Variants in ZNF695 observed in about 807,000 individuals in gnomAD.
ZNF695 encodes the protein zinc finger protein SBZF3.
ZNF695 carries 11 observed loss-of-function variants against 11.2 expected under a neutral mutation model. The observed-to-expected ratio is 0.98, with a 90% confidence interval of 0.62 to 1.62. ZNF695 has a LOEUF of 1.62. Ranked by LOEUF, ZNF695 falls within the 40% of genes most tolerant of loss-of-function variation. The pLI, the probability that ZNF695 is intolerant of heterozygous loss-of-function variation, is 0.00. For synonymous variants in ZNF695, 190 were observed against 201.4 expected, an observed-to-expected ratio of 0.94 and a Z score of 0.48; for missense variants, 559 against 590.5, an observed-to-expected ratio of 0.95 and a Z score of 0.55.
At chr1:246,951,641 A>G (rs1296787834) in intron 5 of ZNF695, among the ~76,000 whole-genome samples, 1 of 152,246 alleles carries the variant, frequency 6.6e-6, no homozygotes, top group African/African-American at 2.4e-5. Flanking sequence ...TAGAACAAAG[A>G]GGCAAGTCTC....
chr1:247,005,589 T>C (rs1307012417), intron 1 of ZNF695, among the ~76,000 whole-genome samples: 1 of 151,980 alleles, frequency 6.6e-6, no homozygotes, highest in Non-Finnish European at 1.5e-5. Context: ...GGCCTGCACC[T>C]GTGGTCCCAG....
intron 5 of ZNF695, among the ~76,000 whole-genome samples, chr1:246,962,987 T>TC (rs1445603653): frequency 1.3e-5 from 2 of 152,188 alleles, no homozygotes; most frequent in Non-Finnish European, 2.9e-5. Context: ...TTGAAACCTT[T>TC]CAACGATTCC....
intron 1 of ZNF695, among the ~76,000 whole-genome samples, chr1:247,002,515 G>A (rs1326500727): frequency 6.6e-6 from 1 of 152,218 alleles, no homozygotes; most frequent in African/African-American, 2.4e-5. Flanking sequence ...GCCGGGCGTG[G>A]TGGCTCCCGC....
intron 5 of ZNF695, among the ~76,000 whole-genome samples, chr1:246,947,012 C>T (rs1048844455): frequency 7.9e-5 from 12 of 151,700 alleles, no homozygotes; most frequent in Admixed American, 4.6e-4. Flanking sequence ...TGGTGGCGGG[C>T]GCCTGTAGTT....
At chr1:247,007,494 CAAAAAAAAAA>C (rs34758795) in intron 1 of ZNF695, among the ~76,000 whole-genome samples, 1 of 79,448 alleles carries the variant, frequency 1.3e-5, no homozygotes, top group Admixed American at 1.3e-4. Context: ...GACTCCGTCT[CAAAAAAAAAA>C]AAAAAAAAAA....
At chr1:246,946,562 C>A (rs909993032) in intron 5 of ZNF695, among the ~76,000 whole-genome samples, 1 of 152,350 alleles carries the variant, frequency 6.6e-6, no homozygotes, top group African/African-American at 2.4e-5. Context: ...GCCAGGCGGG[C>A]CCTCTCCCGG....
intron 5 of ZNF695, among the ~76,000 whole-genome samples, chr1:246,961,539 A>T (rs1338017969): frequency 6.6e-6 from 1 of 152,148 alleles, no homozygotes. Flanking sequence ...TCATACGTAC[A>T]GGAAGGCTCT....
intron 4 of ZNF695, among the ~76,000 whole-genome samples, chr1:246,971,787 TTTTC>T (rs1249121510): frequency 4.6e-5 from 7 of 152,352 alleles, no homozygotes; most frequent in Middle Eastern, 3.4e-3. Flanking sequence ...ATTCTATACA[TTTTC>T]TTTATTATAC....
rs1041175713 is a variant in ZNF695, at chr1:246,985,339, T to C, written c.*1628A>G. On this transcript the variant is annotated 3_prime_UTR_variant, in exon 4 of 4. Transcript: ENST00000339986. Reference sequence around the variant, plus strand: ...TACACGGTCTTTGATTATAATCCTATATAGGCTTTATTATAGCCTTAATAA... The same window carrying C: ...TACACGGTCTTTGATTATAATCCTACATAGGCTTTATTATAGCCTTAATAA... 5.1e-6 allele frequency: 5 copies of C among 983,934 alleles called. No homozygotes were observed. In the African/African-American group the frequency reaches 8.7e-5, roughly 17 times the overall value. 61.0% of individuals were successfully genotyped at this position (983,934 alleles called of 1,614,324 possible).
intron 5 of ZNF695, among the ~76,000 whole-genome samples, chr1:246,963,960 G>A (rs1668226956): frequency 6.6e-6 from 1 of 152,156 alleles, no homozygotes. Flanking sequence ...CCTTGGATTT[G>A]ATAATTTGCT....
intron 5 of ZNF695, chr1:246,966,861 T>G: frequency 2.2e-6 from 1 of 456,730 alleles, no homozygotes; most frequent in South Asian, 1.5e-5. Context: ...CTAAGTGAGA[T>G]AGTGAGATGA....
At chr1:247,007,550 C>T (rs1212433124) in intron 1 of ZNF695, among the ~76,000 whole-genome samples, 4 of 151,996 alleles carry the variant, frequency 2.6e-5, no homozygotes, top group Non-Finnish European at 5.9e-5. Flanking sequence ...CAGCTCCTCC[C>T]ACCCAGGAAC....
intron 5 of ZNF695, among the ~76,000 whole-genome samples, chr1:246,957,797 C>G (rs1354716697): frequency 2.0e-5 from 3 of 151,944 alleles, no homozygotes; most frequent in Non-Finnish European, 4.4e-5. Context: ...CCAAGCCTGG[C>G]TAATTTTTTG....
At chr1:246,984,261 G>A (rs1053601067), downstream of ZNF695, among the ~76,000 whole-genome samples, 21 of 140,702 alleles carry the variant, frequency 1.5e-4, no homozygotes, top group Admixed American at 2.2e-4. Context: ...GTGAGAAAGT[G>A]TAGCCATAAC....
intron 1 of ZNF695, among the ~76,000 whole-genome samples, chr1:247,003,363 C>A (rs1443060309): frequency 6.6e-6 from 1 of 152,210 alleles, no homozygotes; most frequent in African/African-American, 2.4e-5. Flanking sequence ...GAACCAAATA[C>A]TGCATGTTCT....
intron 1 of ZNF695, among the ~76,000 whole-genome samples, chr1:247,001,127 C>T (rs769495859): frequency 2.0e-5 from 3 of 152,194 alleles, no homozygotes; most frequent in Non-Finnish European, 4.4e-5. Context: ...GAAGACCCAA[C>T]TCTATGGTCT....
chr1:246,949,198 T>C (rs1340169228), intron 5 of ZNF695, among the ~76,000 whole-genome samples: 1 of 152,176 alleles, frequency 6.6e-6, no homozygotes, highest in African/African-American at 2.4e-5. Flanking sequence ...GATGGTATTT[T>C]CTTTTAAAAT....
intron 5 of ZNF695, among the ~76,000 whole-genome samples, chr1:246,953,120 T>C (rs1398985036): frequency 6.6e-6 from 1 of 152,164 alleles, no homozygotes; most frequent in Non-Finnish European, 1.5e-5. Flanking sequence ...CTACTAGATA[T>C]TTTCTTGTCA....
downstream of ZNF695, among the ~76,000 whole-genome samples, chr1:246,982,207 T>C (rs1668726061): frequency 1.3e-5 from 2 of 148,188 alleles, no homozygotes; most frequent in African/African-American, 4.9e-5. Flanking sequence ...GAGGCGGAGG[T>C]TGCGGTGAGC....
Sources: allele counts gnomAD v4.1 joint callset (sites outside exome capture counted in the v4.1 genomes callset), GRCh38; gene constraint gnomAD v4.1.1; transcripts MANE v1.5; gene names NCBI Gene and HGNC (gene_info 2026-07-23, HGNC 2026-07-21).